Variants in NAV1 observed in about 807,000 individuals in gnomAD.
NAV1 encodes pore membrane and/or filament interacting like protein 3.
In NAV1, 18 loss-of-function variants were observed where a neutral mutation model predicts 175.2. The ratio of observed to expected loss-of-function variants is 0.10; its 90% CI spans 0.07 to 0.15. The LOEUF is 0.15. NAV1 is among the 10% of genes least tolerant of loss of function. The pLI, the probability that NAV1 is intolerant of heterozygous loss-of-function variation, is 1.00. For missense variants in NAV1, 1,731 were observed against 2,436.6 expected, an observed-to-expected ratio of 0.71 and a Z score of 6.10; for synonymous variants, 897 against 978.7, an observed-to-expected ratio of 0.92 and a Z score of 1.56.
chr1:201,569,200 C>T (rs1666457202), intron 1 of NAV1, among the ~76,000 whole-genome samples: 1 of 152,182 alleles, frequency 6.6e-6, no homozygotes, highest in African/African-American at 2.4e-5. Context: ...CAGAGGTGCT[C>T]AGGCCCATGA....
Position 201,808,714 on chromosome 1 carries a change from C to T in NAV1, c.4050C>T (p.Asp1350=), listed in dbSNP as rs767896841. The stretch of plus-strand genomic sequence containing the variant: ...TGTTCTTGCCACAGTTGGAGGTGGA[C>T]CTGCTGAAAGCAGAGAATGACCGAC... Residue 1350 remains aspartate (D), a synonymous_variant, in exon 20 of 30, where the codon GAC becomes GAT. Transcript: ENST00000367296. This position sits in a 1 kb window ranked among gnomAD's most constrained non-coding sequence, Gnocchi z 5.5. 9.3e-6 allele frequency: 15 copies of T among 1,614,114 alleles called. No individual in the cohort carries two copies.
chr1:201,817,232 G>T lies in NAV1; in HGVS notation c.5485G>T (p.Glu1829Ter). 1 of 1,614,074 alleles carries T rather than the reference G, an allele frequency of 6.2e-7. No individual in the cohort carries two copies. The highest frequency in any genetic ancestry group is 8.5e-7 in the Non-Finnish European group (1 of 1,180,012). The change falls in exon 29 of 30, where the codon GAG becomes TAG. Residue 1829 changes from glutamate to a stop codon, truncating the protein, a stop_gained. Coordinates refer to ENST00000367296, the Ensembl canonical transcript of NAV1. LOFTEE classifies it high-confidence loss of function. ...CCCTCACAGCATTGCCTCACCTCCC[G>T]AGGATAGGACAGTCAAAGACAGCAC... is the stretch of plus-strand genomic sequence containing the variant.
intron 3 of NAV1, among the ~76,000 whole-genome samples, chr1:201,749,361 T>C (rs1673962766): frequency 6.6e-6 from 1 of 152,238 alleles, no homozygotes. Flanking sequence ...GGAGCTGTGA[T>C]GATGTCTTCA....
intron 2 of NAV1, among the ~76,000 whole-genome samples, chr1:201,639,025 G>T (rs946638037): frequency 1.3e-5 from 2 of 152,220 alleles, no homozygotes; most frequent in Admixed American, 1.3e-4. Context: ...TGTGCGATGG[G>T]GTAGTCATAA....
chr1:201,739,977 G>C, intron 3 of NAV1: 1 of 1,442,148 alleles, frequency 6.9e-7, no homozygotes, highest in African/African-American at 1.5e-5. Context: ...GCGGTCCTGG[G>C]GGGCGCTGGG....
At chr1:201,715,840 G>C (rs557202613) in intron 2 of NAV1, among the ~76,000 whole-genome samples, 3 of 152,144 alleles carry the variant, frequency 2.0e-5, no homozygotes, top group South Asian at 2.1e-4. Context: ...TTCCCCCAGC[G>C]AGGAGAGTCT....
Position 201,744,307 on chromosome 1 carries a change from TG to T in NAV1, c.1226+25553del, listed in dbSNP as rs1558119411. Among the ~76,000 whole-genome samples the T allele has an allele frequency of 8.1e-3, 1,068 of 131,474 alleles. 23 individuals are homozygous for T. Among genetic ancestry groups the T allele is most frequent in the African/African-American group, 0.031 (1,008 of 33,038 alleles). The allele number at this position is 131,474 out of a possible 152,430, so 86.3% of individuals were successfully genotyped here. On this transcript the variant is annotated intron_variant, in intron 3 of 29. Coordinates refer to ENST00000367296, the Ensembl canonical transcript of NAV1. ...ACCCTAAGGAGCTGACGGCTATGTA[TG>T]TATGTATGTATTTATTTATTTATTT...
chr1:201,704,865 TG>T (rs1169155578), intron 1 of NAV1, among the ~76,000 whole-genome samples: 3 of 152,206 alleles, frequency 2.0e-5, no homozygotes, highest in Non-Finnish European at 4.4e-5. Context: ...GGTAGGGGCT[TG>T]GGTATCCTCT....
At chr1:201,623,038 A>G in exon 1 of NAV1, 2 of 985,988 alleles carry the variant, frequency 2.0e-6, no homozygotes, top group Non-Finnish European at 2.4e-6. Context: ...GAGCCCACAG[A>G]GAGCAGCCTC....
At chr1:201,574,470 C>G (rs1352968329) in intron 1 of NAV1, among the ~76,000 whole-genome samples, 2 of 152,116 alleles carry the variant, frequency 1.3e-5, no homozygotes, top group Admixed American at 6.5e-5. Context: ...GATGGGCCAC[C>G]CAGAGCCTGT....
chr1:201,682,591 C>A (rs1263238617), intron 1 of NAV1, among the ~76,000 whole-genome samples: 1 of 152,150 alleles, frequency 6.6e-6, no homozygotes, highest in African/African-American at 2.4e-5. Context: ...TGACTTATAA[C>A]CAAATCTGTG....
At chr1:201,724,867 G>A (rs926733424) in intron 3 of NAV1, 2 of 152,718 alleles carry the variant, frequency 1.3e-5, no homozygotes, top group Admixed American at 1.3e-4. Flanking sequence ...AACTGTGCTT[G>A]GGGGCTCAGA....
intron 2 of NAV1, among the ~76,000 whole-genome samples, chr1:201,594,463 G>T (rs1667296110): frequency 1.3e-5 from 2 of 152,192 alleles, no homozygotes; most frequent in Admixed American, 6.5e-5. Context: ...TGTAATCAGA[G>T]GTCTGTGGAC....
intron 3 of NAV1, among the ~76,000 whole-genome samples, chr1:201,777,634 TTTG>T (rs112249814): frequency 0.3 from 45,610 of 150,744 alleles, 8,229 homozygotes; most frequent in Admixed American, 0.41. Flanking sequence ...ATAGTGGGTT[TTTG>T]TTGTTGTTGT....
chr1:201,752,796 C>G (rs1374564994), intron 3 of NAV1, among the ~76,000 whole-genome samples: 1 of 152,048 alleles, frequency 6.6e-6, no homozygotes, highest in Non-Finnish European at 1.5e-5. Context: ...ATTTGTCTGC[C>G]AATTGTGCAA....
intron 3 of NAV1, among the ~76,000 whole-genome samples, chr1:201,742,940 A>T (rs1673525250): frequency 6.6e-6 from 1 of 152,130 alleles, no homozygotes; most frequent in African/African-American, 2.4e-5. Context: ...AATAGGGGGG[A>T]CAGTCCGTGT....
intron 1 of NAV1, among the ~76,000 whole-genome samples, chr1:201,668,982 C>T (rs564929322): frequency 1.7e-4 from 26 of 152,206 alleles, no homozygotes; most frequent in Admixed American, 1.6e-3. Context: ...TGACCAATGG[C>T]CTAAGCGTGG....
intron 5 of NAV1, among the ~76,000 whole-genome samples, chr1:201,781,594 G>C (rs1676329368): frequency 6.6e-6 from 1 of 152,150 alleles, no homozygotes; most frequent in African/African-American, 2.4e-5. Flanking sequence ...TTAGAGACTA[G>C]TTTGGCCTCC....
At chr1:201,702,672 TTCTCTCTCTCTCTCTCTC>T (rs756726434) in intron 1 of NAV1, among the ~76,000 whole-genome samples, 1 of 1,718 alleles carries the variant, frequency 5.8e-4, no homozygotes, top group African/African-American at 7.6e-4. Flanking sequence ...GGTATGTGAA[TTCTCTCTCTCTCTCTCTC>T]TCTCTCTCTC....
Sources: gnomAD v4.1 joint callset for allele counts (sites outside exome capture counted in the v4.1 genomes callset) on GRCh38, gnomAD v4.1.1 for gene constraint, Gnocchi (gnomAD v3.1) non-coding constraint, MANE v1.5 for transcripts, NCBI Gene and HGNC (gene_info 2026-07-23, HGNC 2026-07-21) for gene names.